The following MMD variants were observed in gnomAD, a reference collection of about 807,000 sequenced individuals.
MMD encodes monocyte to macrophage differentiation factor.
Under a neutral mutation model 33.6 loss-of-function variants are expected in MMD, and 22 were observed. The ratio of observed to expected loss-of-function variants is 0.66; its 90% confidence interval spans 0.47 to 0.94. MMD has a LOEUF of 0.94. Ranked by LOEUF, MMD falls within the 40% of genes least tolerant of loss-of-function variation. MMD has a pLI of 0.00. For synonymous variants in MMD, 97 were observed against 103.2 expected, an observed-to-expected ratio of 0.94 and a Z score of 0.36; for missense variants, 242 against 309.8, an observed-to-expected ratio of 0.78 and a Z score of 1.64.
intron 3 of MMD, among the ~76,000 whole-genome samples, chr17:55,409,042 G>A (rs945946443): frequency 2.6e-5 from 4 of 151,892 alleles, no homozygotes; most frequent in East Asian, 1.9e-4. Flanking sequence ...TATACCTACC[G>A]TGTATCCACA....
chr17:55,404,345 A>C, intron 4 of MMD: 1 of 588,616 alleles, frequency 1.7e-6, no homozygotes, highest in Non-Finnish European at 2.1e-6. Context: ...ACAGAGCAAG[A>C]CTCCACCTAA....
At position 55,415,276 on chromosome 17, in the gene MMD, TAA is replaced by T. The variant is rs202102909; in HGVS notation, c.27-1046_27-1045del. On this transcript the variant is annotated intron_variant, in intron 1 of 6. Transcript: ENST00000262065. ...GTAGATGCACAGAAACAGACGGACG[TAA>T]AAAAAAAAAAAAATTTCAACAGCAT... 2.6e-3 allele frequency among the ~76,000 whole-genome samples: 369 copies of T among 139,290 alleles called. 1 individual carries two copies. Among genetic ancestry groups the T allele is most frequent in the African/African-American group, 9.3e-3 (352 of 38,034 alleles). 91.4% of individuals were successfully genotyped at this position (139,290 alleles called of 152,430 possible).
intron 6 of MMD, among the ~76,000 whole-genome samples, chr17:55,400,729 G>A (rs970366226): frequency 2.0e-5 from 3 of 152,090 alleles, no homozygotes; most frequent in African/African-American, 7.2e-5. Context: ...TAAAGGGCTG[G>A]TAACCAGGTG....
At chr17:55,406,705 T>C (rs1907561578) in intron 4 of MMD, among the ~76,000 whole-genome samples, 1 of 151,564 alleles carries the variant, frequency 6.6e-6, no homozygotes, top group Non-Finnish European at 1.5e-5. Flanking sequence ...GACAACATGG[T>C]GAAACCCTAT....
At chr17:55,420,913 C>T (rs1908160996) in intron 1 of MMD, among the ~76,000 whole-genome samples, 1 of 152,210 alleles carries the variant, frequency 6.6e-6, no homozygotes, top group Non-Finnish European at 1.5e-5. Flanking sequence ...TTTCCACCAG[C>T]TCTACAGTGA....
At chr17:55,406,942 A>G (rs1200266199) in intron 4 of MMD, among the ~76,000 whole-genome samples, 1 of 152,116 alleles carries the variant, frequency 6.6e-6, no homozygotes. Context: ...GAGGTGTGAG[A>G]ATCACTTGAA....
chr17:55,409,418 A>T (rs1256343284), intron 3 of MMD, among the ~76,000 whole-genome samples: 1 of 152,234 alleles, frequency 6.6e-6, no homozygotes, highest in Non-Finnish European at 1.5e-5. Flanking sequence ...GAGTAGGTAG[A>T]CAACAGACCT....
At chr17:55,417,254 C>G (rs1305375896) in intron 1 of MMD, among the ~76,000 whole-genome samples, 1 of 152,094 alleles carries the variant, frequency 6.6e-6, no homozygotes, top group Non-Finnish European at 1.5e-5. Context: ...ATAAGTCCAC[C>G]TCATCACTTG....
At chr17:55,409,150 C>T (rs1907667074) in intron 3 of MMD, among the ~76,000 whole-genome samples, 1 of 152,048 alleles carries the variant, frequency 6.6e-6, no homozygotes, top group African/African-American at 2.4e-5. Flanking sequence ...TATAGCATAC[C>T]CATAGATGAT....
chr17:55,415,091 T>C (rs1351821089), intron 1 of MMD, among the ~76,000 whole-genome samples: 1 of 152,134 alleles, frequency 6.6e-6, no homozygotes, highest in African/African-American at 2.4e-5. Flanking sequence ...AAAGAGAGGA[T>C]AGCATTCTTC....
At chr17:55,399,590 G>A (rs948791025) in intron 6 of MMD, among the ~76,000 whole-genome samples, 7 of 152,180 alleles carry the variant, frequency 4.6e-5, no homozygotes, top group Non-Finnish European at 8.8e-5. Flanking sequence ...TTCTCTACCT[G>A]TAACACTTGC....
At chr17:55,407,917 A>C (rs999636605) in intron 3 of MMD, 97 bp from the exon 4 acceptor site, 2 of 809,776 alleles carry the variant, frequency 2.5e-6, no homozygotes, top group Non-Finnish European at 1.9e-6. Flanking sequence ...TTCTTGTTCT[A>C]GTTCTCATGG....
intron 6 of MMD, among the ~76,000 whole-genome samples, chr17:55,399,144 T>C (rs1469041562): frequency 6.6e-6 from 1 of 152,190 alleles, no homozygotes; most frequent in Non-Finnish European, 1.5e-5. Flanking sequence ...TGTTGCTGTT[T>C]GGAAAGTGTC....
At chr17:55,404,310 G>A in intron 4 of MMD, 1 of 332,504 alleles carries the variant, frequency 3.0e-6, no homozygotes, top group Non-Finnish European at 4.3e-6. Flanking sequence ...AGCTGAGATT[G>A]CACCACTGCA....
intron 4 of MMD, 80 bp from the exon 5 acceptor site, chr17:55,403,948 G>A: frequency 1.8e-6 from 2 of 1,122,128 alleles, no homozygotes; most frequent in South Asian, 1.4e-5. Context: ...TGAAAACTGA[G>A]AAAGTCTTAG....
intron 3 of MMD, among the ~76,000 whole-genome samples, chr17:55,409,404 G>A (rs1216963879): frequency 6.6e-6 from 1 of 152,170 alleles, no homozygotes; most frequent in African/African-American, 2.4e-5. Flanking sequence ...GTCATACGCT[G>A]TTAGAGTAGG....
intron 1 of MMD, among the ~76,000 whole-genome samples, chr17:55,420,952 G>A (rs1407118053): frequency 1.3e-5 from 2 of 151,964 alleles, no homozygotes; most frequent in Non-Finnish European, 2.9e-5. Flanking sequence ...TTCCGGTGGC[G>A]CCTCCACGGT....
chr17:55,411,175 T>G lies in MMD; in HGVS notation c.269+82A>C, dbSNP rs902689542. ...ATGTCTACTCTTTGCCCTACTTGAC[T>G]AAAGCATGCCAGCTTGGAAGGGTAC... On this transcript the variant is annotated intron_variant, in intron 3 of 6. Coordinates refer to ENST00000262065, the MANE Select transcript of MMD (RefSeq NM_012329.3). 4 of 1,473,960 alleles carry G rather than the reference T, an allele frequency of 2.7e-6. No individual in the cohort carries two copies. In the Admixed American group the frequency reaches 8.3e-5, roughly 30 times the overall value. 91.3% of individuals were successfully genotyped at this position (1,473,960 alleles called of 1,614,324 possible). A position where few individuals can be genotyped will look rare whatever the true frequency, so the allele number is the denominator to read the frequency against.
rs1907612009 is a variant in MMD at position 55,407,740 on chromosome 17, T to G, written c.344+6A>C. On this transcript the variant is annotated splice_donor_region_variant and intron_variant, in intron 4 of 6. Transcript: ENST00000262065. ...TACCTTCGAAAATAGGAAGACTGTA[T>G]CTTACCATGGAGCATAAGAAGCAGC... 1 of 1,592,636 alleles carries G rather than the reference T, an allele frequency of 6.3e-7. No individual in the cohort carries two copies. Among genetic ancestry groups the G allele is most frequent in the African/African-American group, 1.4e-5 (1 of 73,650 alleles).
Sources: allele counts gnomAD v4.1 joint callset (sites outside exome capture counted in the v4.1 genomes callset), GRCh38; gene constraint gnomAD v4.1.1; transcripts MANE v1.5; gene names NCBI Gene and HGNC (gene_info 2026-07-23, HGNC 2026-07-21).